The following PHF12 variants were observed in gnomAD, a reference collection of about 807,000 sequenced individuals.
PHF12 encodes PHD factor 1.
Under a neutral mutation model 99.8 loss-of-function variants are expected in PHF12, and 6 were observed. The ratio of observed to expected loss-of-function variants is 0.06; its 90% CI spans 0.03 to 0.12. The LOEUF (loss-of-function observed/expected upper bound fraction) is 0.12. Ranked by LOEUF, PHF12 falls within the 10% of genes least tolerant of loss-of-function variation. PHF12 has a pLI of 1.00. For synonymous variants in PHF12, 480 were observed against 514.9 expected, an observed-to-expected ratio of 0.93 and a Z score of 0.92; for missense variants, 954 against 1,300.1, an observed-to-expected ratio of 0.73 and a Z score of 4.09.
At chr17:28,909,930 C>T in intron 11 of PHF12, 1 of 607,192 alleles carries the variant, frequency 1.6e-6, no homozygotes, top group Non-Finnish European at 2.9e-6. Flanking sequence ...AGCAAGTAAG[C>T]AGAAAGTACA....
In PHF12 at chr17:28,950,476, G is replaced by A; in HGVS notation, c.67-230C>T. ...GCTTCTTCCAAATGGGGAGGATCAAGGGTAGGGGGATGGGAAGAGGGTGCG... is the reference window on the plus strand; with the variant it reads ...GCTTCTTCCAAATGGGGAGGATCAAAGGTAGGGGGATGGGAAGAGGGTGCG... On this transcript the variant is annotated intron_variant, in intron 1 of 14. Coordinates refer to ENST00000332830, the MANE Select transcript of PHF12 (RefSeq NM_001033561.2). The surrounding 1 kb of genome is among the most constrained non-coding windows in gnomAD (Gnocchi z 5.7). 1 of 587,418 alleles carries A rather than the reference G, an allele frequency of 1.7e-6. No homozygotes were observed. The highest frequency in any genetic ancestry group is 3.0e-6 in the Non-Finnish European group (1 of 332,990). The allele number at this position is 587,418 out of a possible 1,614,324, so 36.4% of individuals were successfully genotyped here.
At chr17:28,934,138 G>C (rs1394447346) in intron 2 of PHF12, among the ~76,000 whole-genome samples, 1 of 152,332 alleles carries the variant, frequency 6.6e-6, no homozygotes, top group South Asian at 2.1e-4. Flanking sequence ...AATGTGCTAA[G>C]TGCTGGTATT....
At chr17:28,947,435 G>C in intron 2 of PHF12, among the ~76,000 whole-genome samples, 1 of 152,010 alleles carries the variant, frequency 6.6e-6, no homozygotes, top group East Asian at 1.9e-4. Context: ...AAAATTAGCT[G>C]GGTGTGGTGG....
intron 2 of PHF12, among the ~76,000 whole-genome samples, chr17:28,945,755 G>C (rs748763526): frequency 6.6e-6 from 1 of 152,164 alleles, no homozygotes; most frequent in Admixed American, 6.5e-5. Flanking sequence ...GATTTTTTGG[G>C]ATCAGTCCAG....
At chr17:28,938,132 G>C (rs1328341584) in intron 2 of PHF12, among the ~76,000 whole-genome samples, 1 of 152,202 alleles carries the variant, frequency 6.6e-6, no homozygotes, top group Non-Finnish European at 1.5e-5. Flanking sequence ...ATGTGGGCCA[G>C]TTTACAGTTT....
intron 7 of PHF12, 36 bp downstream of exon 7, chr17:28,917,249 A>G (rs2152661784): frequency 6.8e-6 from 11 of 1,612,356 alleles, no homozygotes; most frequent in Non-Finnish European, 9.3e-6. Flanking sequence ...GATGGCAGGC[A>G]GACTACCATC....
At chr17:28,907,758 T>G in intron 12 of PHF12, 86 bp from the exon 13 acceptor site, 3 of 1,331,876 alleles carry the variant, frequency 2.3e-6, no homozygotes, top group Non-Finnish European at 3.2e-6. Context: ...AGGGAGAGAG[T>G]TAGCTTCTGG....
chr17:28,931,616 G>GT (rs1246825606), intron 2 of PHF12, among the ~76,000 whole-genome samples: 1 of 144,388 alleles, frequency 6.9e-6, no homozygotes, highest in Admixed American at 7.0e-5. Flanking sequence ...TAGTCTCACC[G>GT]TATCACCCAA....
At chr17:28,922,559 A>G (rs1401750800) in intron 4 of PHF12, among the ~76,000 whole-genome samples, 3 of 152,186 alleles carry the variant, frequency 2.0e-5, no homozygotes, top group African/African-American at 7.2e-5. Context: ...ATATCTATCA[A>G]AACTATATAG....
At chr17:28,926,849 TG>T (rs2040283679) in intron 3 of PHF12, 141 bp downstream of exon 3, 5 of 1,547,740 alleles carry the variant, frequency 3.2e-6, no homozygotes, top group Non-Finnish European at 4.3e-6. Flanking sequence ...ACAGTCACCA[TG>T]GGAAGAGTGG....
intron 3 of PHF12, 73 bp from the exon 4 acceptor site, chr17:28,924,375 G>GT: frequency 6.2e-7 from 1 of 1,603,558 alleles, no homozygotes; most frequent in Non-Finnish European, 8.5e-7. Flanking sequence ...CAAAGTCCTG[G>GT]TAGACCACTA....
chr17:28,920,067 A>C (rs1191957895), intron 5 of PHF12, among the ~76,000 whole-genome samples: 1 of 152,204 alleles, frequency 6.6e-6, no homozygotes, highest in African/African-American at 2.4e-5. Flanking sequence ...CAGAACTGAC[A>C]ATTAGAGGTG....
intron 4 of PHF12, 110 bp from the exon 5 acceptor site, chr17:28,921,918 CTAAGCATGAATTG>C: frequency 6.9e-7 from 1 of 1,457,354 alleles, no homozygotes; most frequent in South Asian, 1.4e-5. Flanking sequence ...GTGTCATGGC[CTAAGCATGAATTG>C]CTCTCTGAGG....
chr17:28,942,491 G>T (rs1190032899), intron 2 of PHF12, among the ~76,000 whole-genome samples: 1 of 152,038 alleles, frequency 6.6e-6, no homozygotes, highest in African/African-American at 2.4e-5. Flanking sequence ...CTGCCCTCCA[G>T]CCTGGGAGAC....
chr17:28,910,957 C>T (rs946368134), intron 10 of PHF12, 155 bp downstream of exon 10: 10 of 1,042,884 alleles, frequency 9.6e-6, no homozygotes, highest in East Asian at 2.7e-5. Flanking sequence ...TTCACCCCGC[C>T]CCCCCATCCA....
chr17:28,940,253 T>C (rs984996707), intron 2 of PHF12, among the ~76,000 whole-genome samples: 1 of 152,260 alleles, frequency 6.6e-6, no homozygotes, highest in African/African-American at 2.4e-5. Context: ...TACCTTTGCA[T>C]GTCTCTCATC....
At chr17:28,941,779 G>T (rs557686469) in intron 2 of PHF12, among the ~76,000 whole-genome samples, 1 of 152,046 alleles carries the variant, frequency 6.6e-6, no homozygotes, top group Admixed American at 6.6e-5. Context: ...AGCTAATTTT[G>T]TATTTTTAGT....
chr17:28,941,319 T>G (rs143183762), intron 2 of PHF12, among the ~76,000 whole-genome samples: 42 of 152,298 alleles, frequency 2.8e-4, no homozygotes, highest in Admixed American at 5.9e-4. Flanking sequence ...GGAGAAAAGA[T>G]GTACCCATTT....
rs1010043589 is a variant in PHF12, at chr17:28,906,627, T to C, written c.2681-110A>G. 16 of 1,303,820 alleles carry C rather than the reference T, an allele frequency of 1.2e-5. No homozygotes were observed. In the African/African-American group the frequency reaches 2.1e-4, roughly 17 times the overall value. 80.8% of individuals were successfully genotyped at this position (1,303,820 alleles called of 1,614,324 possible). A position where few individuals can be genotyped will look rare whatever the true frequency, so the allele number is the denominator to read the frequency against. ...CTCCCCATTCCAACTGCTGCATGAC[T>C]AGGGAGGAAGGATGCTCAGAAAGGG... is the stretch of plus-strand genomic sequence containing the variant. On this transcript the variant is annotated intron_variant, in intron 14 of 14. Transcript: ENST00000332830. This position sits in a 1 kb window ranked among gnomAD's most constrained non-coding sequence, Gnocchi z 4.2.
Sources: gnomAD v4.1 joint callset for allele counts (sites outside exome capture counted in the v4.1 genomes callset) on GRCh38, gnomAD v4.1.1 for gene constraint, Gnocchi (gnomAD v3.1) non-coding constraint, MANE v1.5 for transcripts, NCBI Gene and HGNC (gene_info 2026-07-23, HGNC 2026-07-21) for gene names.